Variants in CEP83 observed in about 807,000 individuals in gnomAD.
CEP83 encodes centrosomal protein 83.
In CEP83, 70 loss-of-function variants were observed where a neutral mutation model predicts 101.9. That is an observed-to-expected ratio of 0.69 (90% CI 0.57 to 0.84). The LOEUF (loss-of-function observed/expected upper bound fraction) is 0.84, where lower values mean the gene tolerates loss of function less well. Ranked by LOEUF, CEP83 falls within the 40% of genes least tolerant of loss-of-function variation. The pLI, the probability that CEP83 is intolerant of heterozygous loss-of-function variation, is 0.00. For synonymous variants in CEP83, 264 were observed against 267.9 expected, an observed-to-expected ratio of 0.99 and a Z score of 0.14; for missense variants, 715 against 787.2, an observed-to-expected ratio of 0.91 and a Z score of 1.10.
At chr12:94,275,712 G>A in the CEP83 span, among the ~76,000 whole-genome samples, 4 of 130,300 alleles carry the variant, frequency 3.1e-5, 1 homozygote, top group East Asian at 6.7e-4. Context: ...AAAATTAGCC[G>A]GGCGTAGTGG....
intron 2 of CEP83, among the ~76,000 whole-genome samples, chr12:94,432,481 G>A (rs1037033598): frequency 3.5e-4 from 53 of 152,070 alleles, no homozygotes; most frequent in African/African-American, 1.2e-3. Context: ...TACAATAAGT[G>A]AAATAAGCCA....
downstream of CEP83, chr12:94,307,244 A>G (rs1353569395): frequency 8.4e-6 from 1 of 119,206 alleles, no homozygotes; most frequent in East Asian, 1.9e-4. Context: ...CAATTTCTGT[A>G]TAATATTTCT....
chr12:94,430,267 C>T (rs1042758482), intron 2 of CEP83, among the ~76,000 whole-genome samples: 2 of 151,844 alleles, frequency 1.3e-5, no homozygotes, highest in Non-Finnish European at 2.9e-5. Flanking sequence ...CAACAAATCC[C>T]AATCAAAAAT....
At chr12:94,444,898 A>T (rs771410245) in intron 1 of CEP83, among the ~76,000 whole-genome samples, 3 of 152,198 alleles carry the variant, frequency 2.0e-5, no homozygotes, top group Non-Finnish European at 4.4e-5. Context: ...GGATCAGAAA[A>T]TTCAATATTG....
intron 14 of CEP83, among the ~76,000 whole-genome samples, chr12:94,324,777 C>T (rs916629083): frequency 4.6e-5 from 7 of 152,092 alleles, no homozygotes; most frequent in Admixed American, 3.3e-4. Context: ...GTAACCTGGA[C>T]AACTAAAACA....
At chr12:94,373,917 C>T (rs1352763995) in intron 8 of CEP83, among the ~76,000 whole-genome samples, 3 of 152,114 alleles carry the variant, frequency 2.0e-5, no homozygotes, top group African/African-American at 4.8e-5. Flanking sequence ...AAAATCTACC[C>T]TTCCAATGGA....
intron 6 of CEP83, among the ~76,000 whole-genome samples, chr12:94,395,525 A>C (rs1036328125): frequency 6.6e-6 from 1 of 152,172 alleles, no homozygotes; most frequent in Non-Finnish European, 1.5e-5. Flanking sequence ...TTACATACTT[A>C]AAGTTCATAT....
At chr12:94,389,147 G>A (rs1478433697) in intron 6 of CEP83, among the ~76,000 whole-genome samples, 1 of 151,998 alleles carries the variant, frequency 6.6e-6, no homozygotes, top group Non-Finnish European at 1.5e-5. Flanking sequence ...GAAAGAAAAT[G>A]CCATGAAATA....
At chr12:94,304,657 T>C (rs1968815147), downstream of CEP83, among the ~76,000 whole-genome samples, 1 of 152,158 alleles carries the variant, frequency 6.6e-6, no homozygotes. Flanking sequence ...ACCAATTCCA[T>C]TTGCTACTTG....
chr12:94,345,565 C>T (rs1374299278), intron 11 of CEP83, among the ~76,000 whole-genome samples: 1 of 152,090 alleles, frequency 6.6e-6, no homozygotes, highest in African/African-American at 2.4e-5. Context: ...TTTTTCTCTC[C>T]AAGGCAGGCC....
At chr12:94,393,271 T>C (rs1276703423) in intron 6 of CEP83, among the ~76,000 whole-genome samples, 2 of 152,166 alleles carry the variant, frequency 1.3e-5, no homozygotes, top group Admixed American at 6.5e-5. Flanking sequence ...AAAAAGCTTA[T>C]CCACCATGAT....
At chr12:94,365,924 G>A (rs561538721) in intron 11 of CEP83, among the ~76,000 whole-genome samples, 11 of 152,198 alleles carry the variant, frequency 7.2e-5, no homozygotes, top group African/African-American at 2.2e-4. Flanking sequence ...AGTTTCCAGG[G>A]TGCACTGATA....
intron 4 of CEP83, among the ~76,000 whole-genome samples, chr12:94,405,187 C>T (rs1229831387): frequency 1.3e-5 from 2 of 152,122 alleles, no homozygotes; most frequent in Non-Finnish European, 2.9e-5. Context: ...GCTTACATGG[C>T]TCCTGTTTCA....
chr12:94,397,344 CAAT>C (rs1332952555), intron 6 of CEP83, among the ~76,000 whole-genome samples: 3 of 151,984 alleles, frequency 2.0e-5, no homozygotes, highest in Non-Finnish European at 4.4e-5. Flanking sequence ...ACTAAAAATA[CAAT>C]AATTAGCCAG....
At chr12:94,412,743 G>A in intron 2 of CEP83, 152 bp from the exon 3 acceptor site, 1 of 238,962 alleles carries the variant, frequency 4.2e-6, no homozygotes, top group South Asian at 6.9e-5. Flanking sequence ...AGGCTAGAGT[G>A]CAATGGTGTG....
At chr12:94,287,006 C>A in the CEP83 span, among the ~76,000 whole-genome samples, 2 of 152,182 alleles carry the variant, frequency 1.3e-5, no homozygotes, top group African/African-American at 4.8e-5. Flanking sequence ...CCTTGGCAAC[C>A]CCCAGCACCG....
At chr12:94,341,359 C>T (rs961558340) in intron 11 of CEP83, among the ~76,000 whole-genome samples, 1 of 152,106 alleles carries the variant, frequency 6.6e-6, no homozygotes, top group Non-Finnish European at 1.5e-5. Context: ...ATGATTTATA[C>T]TTTCCATTTC....
At chr12:94,419,604 C>T (rs1270630253) in intron 2 of CEP83, among the ~76,000 whole-genome samples, 2 of 151,952 alleles carry the variant, frequency 1.3e-5, no homozygotes, top group Admixed American at 1.3e-4. Flanking sequence ...GTACTTACTA[C>T]AAATATACAG....
At chr12:94,365,894 C>G (rs1229180167) in intron 11 of CEP83, among the ~76,000 whole-genome samples, 3 of 151,908 alleles carry the variant, frequency 2.0e-5, no homozygotes, top group South Asian at 2.1e-4. Flanking sequence ...GAGGCTAATC[C>G]CTATGAACTA....
Sources: allele counts gnomAD v4.1 joint callset (sites outside exome capture counted in the v4.1 genomes callset), GRCh38; gene constraint gnomAD v4.1.1; transcripts MANE v1.5; gene names NCBI Gene and HGNC (gene_info 2026-07-23, HGNC 2026-07-21).